The following ZBTB40 variants were observed in gnomAD, a reference collection of about 807,000 sequenced individuals.
The protein encoded by ZBTB40 is zinc finger and BTB domain containing 40.
In ZBTB40, 60 loss-of-function variants were observed where a neutral mutation model predicts 117.5. The observed-to-expected ratio is 0.51, with a 90% CI of 0.41 to 0.63. ZBTB40 has a LOEUF of 0.63. Among genes scored for constraint, ZBTB40 ranks in the 30% least tolerant of loss-of-function variants. ZBTB40 has a pLI of 0.00. For missense variants in ZBTB40, 1,287 were observed against 1,498.5 expected (o/e 0.86, Z 2.33); for synonymous variants, 525 against 577.1 (o/e 0.91, Z 1.29).
chr1:22,513,227 C>T lies in ZBTB40; in HGVS notation c.2668+97C>T. ...TGTGATATATATCTCAAAAACAAAA[C>T]AATTTGATAGCACAACAGGGTGACT... On this transcript the variant is annotated intron_variant, in intron 12 of 17. Transcript: ENST00000375647. This position sits in a 1 kb window ranked among gnomAD's most constrained non-coding sequence, Gnocchi z 4.9. 2 of 1,330,512 alleles carry T rather than the reference C, an allele frequency of 1.5e-6. No individual in the cohort carries two copies. The highest frequency in any genetic ancestry group is 1.3e-5 in the South Asian group (1 of 79,256). 82.4% of individuals were successfully genotyped at this position (1,330,512 alleles called of 1,614,324 possible).
At chr1:22,484,720 T>C (rs1031186712) in intron 1 of ZBTB40, among the ~76,000 whole-genome samples, 3 of 152,232 alleles carry the variant, frequency 2.0e-5, no homozygotes, top group African/African-American at 7.2e-5. Flanking sequence ...GCCTTGTTTA[T>C]AATCCCAGCA....
At chr1:22,516,160 T>C (rs555315573) in intron 12 of ZBTB40, among the ~76,000 whole-genome samples, 16 of 152,114 alleles carry the variant, frequency 1.1e-4, no homozygotes, top group African/African-American at 3.6e-4. Flanking sequence ...TTTACTGAGA[T>C]GGGGGAGTGT....
Position 22,490,503 on chromosome 1 carries a change from G to C in ZBTB40, c.555G>C (p.Glu185Asp), listed in dbSNP as rs1281925073. 6.2e-7 allele frequency: 1 copy of C among 1,603,932 alleles called. No individual in the cohort carries two copies. Among genetic ancestry groups the C allele is most frequent in the Non-Finnish European group, 8.5e-7 (1 of 1,174,958 alleles). Residue 185 changes from glutamate (E) to aspartate (D), a missense_variant, in exon 2 of 18, where the codon GAG becomes GAC. Glu to Asp is a conservative substitution (Grantham distance 45). Around this residue, in one of 2 missense-constraint regions of ZBTB40, gnomAD observed 870 missense variants for 934.4 expected, o/e 0.93. Transcript: ENST00000375647. Reference protein sequence around the residue: ...TEEAAHSVSQEMSVNSPTAQE... With the variant: ...TEEAAHSVSQDMSVNSPTAQE... ...AAGCAGCCCATTCAGTTTCACAAGA[G>C]ATGAGTGTGAATTCTCCCACAGCCC...
intron 1 of ZBTB40, among the ~76,000 whole-genome samples, chr1:22,463,684 C>T (rs1341209087): frequency 6.6e-6 from 1 of 152,218 alleles, no homozygotes; most frequent in Non-Finnish European, 1.5e-5. Context: ...TGGATCAGAG[C>T]AGCATGGCCT....
At chr1:22,468,022 A>G (rs375498782) in intron 1 of ZBTB40, among the ~76,000 whole-genome samples, 11 of 151,592 alleles carry the variant, frequency 7.3e-5, no homozygotes, top group Admixed American at 3.3e-4. Flanking sequence ...CCAGGTGGTC[A>G]AGGCTGCAGT....
chr1:22,501,737 C>T, intron 4 of ZBTB40, 53 bp downstream of exon 4: 3 of 1,573,454 alleles, frequency 1.9e-6, no homozygotes, highest in Non-Finnish European at 2.6e-6. Context: ...TGGGATGATG[C>T]TATGAAGTTT....
chr1:22,502,444 A>G lies in ZBTB40; in HGVS notation c.1167+3A>G, dbSNP rs1287045213. The G allele has an allele frequency of 1.2e-6, 2 of 1,613,886 alleles. No homozygotes were observed. The highest frequency in any genetic ancestry group is 2.2e-5 in the East Asian group (1 of 44,892). ...TCCTGACTGGCACTGAAAAAAGGGTAACTGTGTCAAGTGTCTCCTCCCTCC... is the reference window on the plus strand; with the variant it reads ...TCCTGACTGGCACTGAAAAAAGGGTGACTGTGTCAAGTGTCTCCTCCCTCC... On this transcript the variant is annotated splice_donor_region_variant and intron_variant, in intron 5 of 17. Coordinates refer to ENST00000375647, the MANE Select transcript of ZBTB40 (RefSeq NM_014870.4).
chr1:22,519,385 GGATT>G (rs1030279790), intron 13 of ZBTB40, among the ~76,000 whole-genome samples: 4 of 152,178 alleles, frequency 2.6e-5, no homozygotes, highest in Admixed American at 2.0e-4. Context: ...GTGAGAGATG[GGATT>G]GTTACTCAGT....
intron 3 of ZBTB40, among the ~76,000 whole-genome samples, chr1:22,499,486 G>A (rs2124441618): frequency 6.6e-6 from 1 of 152,308 alleles, no homozygotes; most frequent in African/African-American, 2.4e-5. Flanking sequence ...GCATTTTAAA[G>A]AGATTTCAAG....
rs867315722 is a variant in ZBTB40 at position 22,508,121 on chromosome 1, C to T, written c.1481C>T (p.Ala494Val). ...ATGATCTCACACATGACAAGTTTAGCCCCTGGAGAAAGAGAGGTAAGAGAG... is the reference window on the plus strand; with the variant it reads ...ATGATCTCACACATGACAAGTTTAGTCCCTGGAGAAAGAGAGGTAAGAGAG... ...LKMISHMTSL[A>V]PGEREVMEKL... Residue 494 changes from alanine (A) to valine (V), a missense_variant, in exon 7 of 18, where the codon GCC becomes GTC. Ala to Val is a moderately conservative substitution (Grantham distance 64). Coordinates refer to ENST00000375647, the MANE Select transcript of ZBTB40 (RefSeq NM_014870.4). The T allele has an allele frequency of 6.2e-7, 1 of 1,613,612 alleles. No individual in the cohort carries two copies. The highest frequency in any genetic ancestry group is 2.2e-5 in the East Asian group (1 of 44,846).
chr1:22,506,568 A>G (rs1419700792), intron 6 of ZBTB40, among the ~76,000 whole-genome samples: 2 of 152,206 alleles, frequency 1.3e-5, no homozygotes, highest in African/African-American at 2.4e-5. Context: ...TGTGTCAGCC[A>G]TATTCGCAAA....
intron 1 of ZBTB40, among the ~76,000 whole-genome samples, chr1:22,465,469 T>C (rs1486081909): frequency 6.6e-6 from 1 of 152,108 alleles, no homozygotes; most frequent in Non-Finnish European, 1.5e-5. Flanking sequence ...AGGCACCAGT[T>C]CCCACTCTGG....
chr1:22,473,656 G>T lies in ZBTB40; in HGVS notation c.-69-16224G>T, dbSNP rs567628559. Among the ~76,000 whole-genome samples, 4 of 152,336 alleles carry T rather than the reference G, an allele frequency of 2.6e-5. No homozygotes were observed. In the South Asian group the frequency reaches 8.3e-4, roughly 32 times the overall value. ...AAACATGGTCTCCTGAGCGGATGGGGCAGTGGATGTGTTTGGCTCACTGAC... is the reference window on the plus strand; with the variant it reads ...AAACATGGTCTCCTGAGCGGATGGGTCAGTGGATGTGTTTGGCTCACTGAC... On this transcript the variant is annotated intron_variant, in intron 1 of 17. Transcript: ENST00000375647.
chr1:22,461,337 T>G (rs956879255), intron 1 of ZBTB40, among the ~76,000 whole-genome samples: 1 of 151,932 alleles, frequency 6.6e-6, no homozygotes, highest in African/African-American at 2.4e-5. Context: ...TTGTTTTTTT[T>G]TTTTTTTTTC....
At chr1:22,507,940 G>A (rs1639116893) in intron 6 of ZBTB40, 61 bp from the exon 7 acceptor site, 9 of 1,612,390 alleles carry the variant, frequency 5.6e-6, no homozygotes, top group Non-Finnish European at 7.6e-6. Flanking sequence ...GTAATATCCT[G>A]GAGTCTTCTG....
At chr1:22,516,613 C>T (rs1227234451) in intron 12 of ZBTB40, among the ~76,000 whole-genome samples, 2 of 152,100 alleles carry the variant, frequency 1.3e-5, no homozygotes, top group Admixed American at 6.5e-5. Flanking sequence ...GGCTGCTTGT[C>T]CTAGTTGTGG....
Position 22,511,737 on chromosome 1 carries a change from T to C in ZBTB40, c.2064T>C (p.Leu688=). 6.2e-7 allele frequency: 1 copy of C among 1,608,276 alleles called. No individual in the cohort carries two copies. Residue 688 remains leucine, a synonymous_variant, in exon 11 of 18, where the codon CTT becomes CTC. Coordinates refer to ENST00000375647, the MANE Select transcript of ZBTB40 (RefSeq NM_014870.4). ...ETWKVSNKFH[L]EANNKEDEKA... is the part of the protein sequence containing the mutation. ...GGAAGGTGAGTAATAAATTTCACCTTGAAGCCAACAACAAAGAAGATGAAA... is the reference window on the plus strand; with the variant it reads ...GGAAGGTGAGTAATAAATTTCACCTCGAAGCCAACAACAAAGAAGATGAAA...
At position 22,489,905 on chromosome 1, in the gene ZBTB40, A is replaced by G. The variant is rs1638573994; in HGVS notation, c.-44A>G. ...GGCCTGTCCTCCCAAAGCCAACTCT[A>G]AGGAGAGGAGAGGAAGAGCAGTTCT... On this transcript the variant is annotated 5_prime_UTR_variant, in exon 2 of 18. Coordinates refer to ENST00000375647, the MANE Select transcript of ZBTB40 (RefSeq NM_014870.4). The G allele has an allele frequency of 6.3e-7, 1 of 1,586,568 alleles. No individual in the cohort carries two copies. The highest frequency in any genetic ancestry group is 1.1e-5 in the South Asian group (1 of 90,626).
intron 1 of ZBTB40, among the ~76,000 whole-genome samples, chr1:22,488,038 C>T (rs538773376): frequency 6.6e-6 from 1 of 152,168 alleles, no homozygotes; most frequent in Non-Finnish European, 1.5e-5. Flanking sequence ...TCCTCCCATT[C>T]TTTTTACCTC....
Sources: gnomAD v4.1 joint callset for allele counts (sites outside exome capture counted in the v4.1 genomes callset) on GRCh38, gnomAD v4.1.1 for gene constraint, gnomAD v4.1.1 regional missense constraint, Gnocchi (gnomAD v3.1) non-coding constraint, MANE v1.5 for transcripts, NCBI Gene and HGNC (gene_info 2026-07-23, HGNC 2026-07-21) for gene names.